ANO1: variants seen among roughly 807,000 people sequenced by gnomAD.
ANO1 encodes anoctamin-1.
Under a neutral mutation model 124.0 loss-of-function variants are expected in ANO1, and 59 were observed. That is an observed-to-expected ratio of 0.48 (90% CI 0.39 to 0.59). ANO1 has a LOEUF of 0.59. Ranked by LOEUF, ANO1 falls within the 20% of genes least tolerant of loss-of-function variation. The pLI is 0.00. For synonymous variants in ANO1, 529 were observed against 532.0 expected (o/e 0.99, Z 0.08); for missense variants, 1,059 against 1,328.0 (o/e 0.80, Z 3.15).
intron 13 of ANO1, 40 bp from the exon 14 acceptor site, chr11:70,153,017 A>C (rs1216381518): frequency 1.3e-6 from 2 of 1,565,760 alleles, no homozygotes; most frequent in East Asian, 4.6e-5. Flanking sequence ...TCAGACTCAA[A>C]ATTAACAAGG....
At chr11:69,976,281 G>A in the ANO1 span, among the ~76,000 whole-genome samples, 11 of 152,008 alleles carry the variant, frequency 7.2e-5, no homozygotes, top group Admixed American at 2.0e-4. Context: ...AGGCCAGGGC[G>A]GGCGGATCAT....
intron 1 of ANO1, among the ~76,000 whole-genome samples, chr11:69,997,550 G>A (rs7939037): frequency 0.86 from 130,943 of 152,090 alleles, 57,109 homozygotes; most frequent in East Asian, 0.98. Flanking sequence ...CCGTCCCAAC[G>A]GCAGCCACAG....
intron 1 of ANO1, among the ~76,000 whole-genome samples, chr11:70,051,908 G>A (rs1267779648): frequency 6.6e-6 from 1 of 152,164 alleles, no homozygotes; most frequent in Non-Finnish European, 1.5e-5. Context: ...AGATTTATCA[G>A]TCTTTTCCTT....
intron 2 of ANO1, among the ~76,000 whole-genome samples, chr11:70,088,998 C>T (rs7925613): frequency 0.75 from 113,577 of 152,120 alleles, 42,503 homozygotes; most frequent in Middle Eastern, 0.8. Context: ...GCCGAGGGTG[C>T]AGCTGTGTGC....
intron 1 of ANO1, among the ~76,000 whole-genome samples, chr11:70,008,607 T>C (rs1159200364): frequency 6.6e-6 from 1 of 151,804 alleles, no homozygotes; most frequent in Non-Finnish European, 1.5e-5. Context: ...CTATGCGTCT[T>C]TCTTTCTGCC....
At chr11:70,132,224 C>A in intron 11 of ANO1, 145 bp downstream of exon 11, 1 of 1,144,922 alleles carries the variant, frequency 8.7e-7, no homozygotes, top group Non-Finnish European at 1.2e-6. Flanking sequence ...TGGAAACGAC[C>A]CCTGTTTTGT....
intron 1 of ANO1, among the ~76,000 whole-genome samples, chr11:70,017,135 G>T (rs1409363975): frequency 6.6e-6 from 1 of 152,164 alleles, no homozygotes; most frequent in Non-Finnish European, 1.5e-5. Flanking sequence ...AAAATCCCAC[G>T]CGGGCCAAGG....
At chr11:69,987,586 CAG>C (rs1401554374) in intron 1 of ANO1, among the ~76,000 whole-genome samples, 1 of 128,048 alleles carries the variant, frequency 7.8e-6, no homozygotes, top group South Asian at 2.4e-4. Flanking sequence ...GCCTGGGTAA[CAG>C]AGCAAGACCA....
intron 1 of ANO1, among the ~76,000 whole-genome samples, chr11:70,000,456 A>G (rs184842056): frequency 3.0e-4 from 46 of 151,456 alleles, no homozygotes; most frequent in East Asian, 6.0e-4. Context: ...AAGCAAAACC[A>G]CCCTGAGATT....
intron 11 of ANO1, among the ~76,000 whole-genome samples, chr11:70,138,374 C>A (rs1205862503): frequency 8.9e-6 from 1 of 111,830 alleles, no homozygotes; most frequent in Non-Finnish European, 2.0e-5. Flanking sequence ...AAAGGCTGGG[C>A]GCAGTGGCTC....
chr11:70,055,402 A>G (rs1591060609), intron 1 of ANO1, among the ~76,000 whole-genome samples: 1 of 152,200 alleles, frequency 6.6e-6, no homozygotes, highest in East Asian at 1.9e-4. Flanking sequence ...TCTGTTGAAT[A>G]GATGTACCAC....
intron 9 of ANO1, 53 bp from the exon 10 acceptor site, chr11:70,126,008 C>A (rs1210057499): frequency 6.5e-7 from 1 of 1,539,528 alleles, no homozygotes; most frequent in African/African-American, 1.4e-5. Context: ...ACATGTTTCC[C>A]TGCTAGTATT....
In ANO1 at chr11:70,021,450, G is replaced by A. The variant is rs528571000; in HGVS notation, c.58+35284G>A. ...ATACCAACTTCAGTTTTTAGAATAA[G>A]GAGAGTGCTTTTTGTTGTTGTTGTT... is the stretch of plus-strand genomic sequence containing the variant. On this transcript the variant is annotated intron_variant, in intron 1 of 27. Transcript: ENST00000531349. 3.4e-4 allele frequency among the ~76,000 whole-genome samples: 51 copies of A among 150,488 alleles called. 1 individual carries two copies. The South Asian group carries it at 0.011, about 32-fold the overall frequency.
chr11:70,177,990 G>T (rs1392284094), intron 22 of ANO1, among the ~76,000 whole-genome samples: 1 of 152,224 alleles, frequency 6.6e-6, no homozygotes, highest in African/African-American at 2.4e-5. Flanking sequence ...ATGCTGCCTG[G>T]ATGGGGCCTG....
intron 1 of ANO1, among the ~76,000 whole-genome samples, chr11:70,003,999 C>T (rs1856436362): frequency 6.6e-6 from 1 of 152,108 alleles, no homozygotes; most frequent in Admixed American, 6.5e-5. Context: ...TCCAGACCAC[C>T]CACGAGCTCC....
chr11:70,093,070 A>ATC (rs1366897888), intron 2 of ANO1, among the ~76,000 whole-genome samples: 4 of 137,252 alleles, frequency 2.9e-5, no homozygotes, highest in East Asian at 4.4e-4. Context: ...CTACCTCTCT[A>ATC]TCTCTCTCTC....
intron 1 of ANO1, among the ~76,000 whole-genome samples, chr11:70,003,727 T>C (rs1337505326): frequency 6.6e-6 from 1 of 151,992 alleles, no homozygotes; most frequent in African/African-American, 2.4e-5. Flanking sequence ...AAACAGATGT[T>C]TACCACTTGA....
At chr11:70,106,495 C>A (rs1029041634) in intron 5 of ANO1, among the ~76,000 whole-genome samples, 2 of 152,162 alleles carry the variant, frequency 1.3e-5, no homozygotes, top group Non-Finnish European at 2.9e-5. Context: ...GACAACTACT[C>A]CTCATGACCA....
intron 1 of ANO1, among the ~76,000 whole-genome samples, chr11:70,019,782 A>C (rs1856768089): frequency 6.6e-6 from 1 of 152,238 alleles, no homozygotes; most frequent in South Asian, 2.1e-4. Context: ...TGGTCGTCTC[A>C]TAATGAAAGC....
Sources: gnomAD v4.1 joint callset for allele counts (sites outside exome capture counted in the v4.1 genomes callset) on GRCh38, gnomAD v4.1.1 for gene constraint, MANE v1.5 for transcripts, NCBI Gene and HGNC (gene_info 2026-07-23, HGNC 2026-07-21) for gene names.